CALN1: variants seen among roughly 807,000 people sequenced by gnomAD.
CALN1 encodes the protein calcium-binding protein 8.
CALN1 carries 17 observed loss-of-function variants against 30.6 expected under a neutral mutation model. That is an observed-to-expected ratio of 0.56 (90% CI 0.38 to 0.83). The LOEUF (loss-of-function observed/expected upper bound fraction) is 0.83. Among genes scored for constraint, CALN1 ranks in the 40% least tolerant of loss-of-function variants. The pLI is 0.00. For missense variants in CALN1, 291 were observed against 354.9 expected (o/e 0.82, Z 1.45); for synonymous variants, 156 against 131.4 (o/e 1.19, Z -1.28).
chr7:72,395,361 A>G (rs879804213), intron 2 of CALN1, among the ~76,000 whole-genome samples: 83 of 148,540 alleles, frequency 5.6e-4, no homozygotes, highest in Non-Finnish European at 6.7e-4. Context: ...ACGCGCGCGC[A>G]CACACACACA....
rs192364342 is a variant in CALN1, at chr7:71,876,788, A to G, written c.502-66296T>C. ...TGCCCAGGTTGCAAGTGGCAGAACAAATATTGGGACCCAGACTTCTCTGAG... is the reference window on the plus strand; with the variant it reads ...TGCCCAGGTTGCAAGTGGCAGAACAGATATTGGGACCCAGACTTCTCTGAG... On this transcript the variant is annotated intron_variant, in intron 5 of 6. Coordinates refer to ENST00000395275, the MANE Select transcript of CALN1 (RefSeq NM_031468.4). Among the ~76,000 whole-genome samples the G allele has an allele frequency of 7.8e-4, 119 of 152,300 alleles. 1 individual carries two copies. Among genetic ancestry groups the G allele is most frequent in the Admixed American group, 3.4e-3 (52 of 15,294 alleles).
intron 3 of CALN1, among the ~76,000 whole-genome samples, chr7:72,163,057 C>T (rs192955633): frequency 6.6e-6 from 1 of 152,276 alleles, no homozygotes; most frequent in Non-Finnish European, 1.5e-5. Flanking sequence ...TTTCAGCTGC[C>T]GCCCTCCATA....
the CALN1 span, among the ~76,000 whole-genome samples, chr7:72,481,578 C>A: frequency 6.6e-6 from 1 of 152,100 alleles, no homozygotes; most frequent in Non-Finnish European, 1.5e-5. Context: ...TAAGAACTTT[C>A]TTCTCTAATA....
intron 4 of CALN1, among the ~76,000 whole-genome samples, chr7:72,083,133 G>C (rs1042071952): frequency 6.6e-6 from 1 of 151,766 alleles, no homozygotes; most frequent in Admixed American, 6.6e-5. Context: ...CCTGGGAGGC[G>C]GAGGATGCAG....
Position 71,963,595 on chromosome 7 carries a change from G to C in CALN1, c.501+60062C>G, listed in dbSNP as rs541133630. On this transcript the variant is annotated intron_variant, in intron 5 of 6. Transcript: ENST00000395275. ...GCTGGGATTACAGGTATGAGCCACC[G>C]TGCCCAGCCTAGGAAACTTTTTCTC... is the stretch of plus-strand genomic sequence containing the variant. Among the ~76,000 whole-genome samples the C allele has an allele frequency of 9.2e-5, 14 of 152,214 alleles. No individual in the cohort carries two copies. The South Asian group carries it at 1.0e-3, about 11-fold the overall frequency.
intron 5 of CALN1, among the ~76,000 whole-genome samples, chr7:71,988,127 T>C (rs1436938365): frequency 6.6e-6 from 1 of 152,184 alleles, no homozygotes; most frequent in Non-Finnish European, 1.5e-5. Context: ...ATCATTGTCG[T>C]CATCACAGCA....
At chr7:72,321,486 A>G (rs1800876992) in intron 2 of CALN1, among the ~76,000 whole-genome samples, 1 of 152,196 alleles carries the variant, frequency 6.6e-6, no homozygotes, top group Non-Finnish European at 1.5e-5. Context: ...TTTCAACGAC[A>G]GGAGACAATA....
At chr7:72,134,782 T>A (rs1563086504) in intron 3 of CALN1, among the ~76,000 whole-genome samples, 1 of 152,210 alleles carries the variant, frequency 6.6e-6, no homozygotes, top group Non-Finnish European at 1.5e-5. Context: ...ATAGATGGAC[T>A]CTTCATTTCA....
chr7:72,089,829 T>C (rs1026560351), intron 4 of CALN1, among the ~76,000 whole-genome samples: 3 of 152,122 alleles, frequency 2.0e-5, no homozygotes, highest in African/African-American at 7.2e-5. Flanking sequence ...ATCACAATAA[T>C]TTATCTTGGA....
intron 3 of CALN1, among the ~76,000 whole-genome samples, chr7:72,217,377 C>A (rs555982283): frequency 1.1e-4 from 16 of 152,222 alleles, no homozygotes; most frequent in African/African-American, 3.4e-4. Flanking sequence ...TGACTAACAC[C>A]AGCCCCAAAC....
intron 5 of CALN1, among the ~76,000 whole-genome samples, chr7:71,887,652 G>C (rs1351182818): frequency 6.6e-6 from 1 of 152,118 alleles, no homozygotes; most frequent in Non-Finnish European, 1.5e-5. Context: ...CATAGGGGGA[G>C]GGAGATTAGA....
the CALN1 span, among the ~76,000 whole-genome samples, chr7:72,469,059 AT>A: frequency 2.0e-5 from 3 of 152,088 alleles, no homozygotes; most frequent in Admixed American, 6.6e-5. Flanking sequence ...TTTAACTTTG[AT>A]AAAGTTGAAT....
chr7:72,331,610 A>G (rs887008692), intron 2 of CALN1, among the ~76,000 whole-genome samples: 1 of 152,236 alleles, frequency 6.6e-6, no homozygotes, highest in Non-Finnish European at 1.5e-5. Flanking sequence ...GGTGTGAGAC[A>G]GCAACTTTTT....
Position 72,024,824 on chromosome 7 carries a change from G to A in CALN1, c.389-1055C>T, listed in dbSNP as rs886128407. On this transcript the variant is annotated intron_variant, in intron 4 of 6. Transcript: ENST00000395275. ...TACAAGCTCCTTTACACCTCTGCGT[G>A]CATGTGTATGCCTATCCCTCTGTCC... is the stretch of plus-strand genomic sequence containing the variant. Among the ~76,000 whole-genome samples the A allele has an allele frequency of 2.6e-5, 4 of 152,192 alleles. No individual in the cohort carries two copies. The South Asian group carries it at 8.3e-4, about 32-fold the overall frequency.
chr7:72,336,455 G>A (rs1477230325), intron 2 of CALN1, among the ~76,000 whole-genome samples: 1 of 152,086 alleles, frequency 6.6e-6, no homozygotes, highest in Non-Finnish European at 1.5e-5. Context: ...CACGTCCCCA[G>A]GCAGGCGGCC....
intron 2 of CALN1, among the ~76,000 whole-genome samples, chr7:72,282,941 C>A (rs1042349578): frequency 6.6e-6 from 1 of 151,620 alleles, no homozygotes; most frequent in Non-Finnish European, 1.5e-5. Flanking sequence ...GTAATCCCAG[C>A]TCTACTTGGG....
intron 2 of CALN1, among the ~76,000 whole-genome samples, chr7:72,334,787 C>T (rs766709395): frequency 6.6e-6 from 1 of 152,206 alleles, no homozygotes; most frequent in Non-Finnish European, 1.5e-5. Flanking sequence ...GTTTTCATTA[C>T]TCCACTTGGA....
At chr7:72,351,462 A>C (rs1477029056) in intron 2 of CALN1, among the ~76,000 whole-genome samples, 1 of 152,246 alleles carries the variant, frequency 6.6e-6, no homozygotes, top group Non-Finnish European at 1.5e-5. Flanking sequence ...ACTTTCTTTA[A>C]AAGGTAGTTT....
intron 2 of CALN1, among the ~76,000 whole-genome samples, chr7:72,388,134 G>T (rs984226201): frequency 6.6e-6 from 1 of 152,070 alleles, no homozygotes; most frequent in African/African-American, 2.4e-5. Context: ...TTCCAACAAA[G>T]AAATGATAAA....
Sources: allele counts gnomAD v4.1 joint callset (sites outside exome capture counted in the v4.1 genomes callset), GRCh38; gene constraint gnomAD v4.1.1; transcripts MANE v1.5; gene names NCBI Gene and HGNC (gene_info 2026-07-23, HGNC 2026-07-21).